The following LHX9 variants were observed in gnomAD, a reference collection of about 807,000 sequenced individuals.
The protein encoded by LHX9 is LIM/homeobox protein Lhx9.
Under a neutral mutation model 36.5 loss-of-function variants are expected in LHX9, and 9 were observed. That is an observed-to-expected ratio of 0.25 (90% CI 0.15 to 0.43). The LOEUF (loss-of-function observed/expected upper bound fraction) is 0.43, where lower values mean the gene tolerates loss of function less well. Ranked by LOEUF, LHX9 falls within the 20% of genes least tolerant of loss-of-function variation. LHX9 has a pLI of 1.00. For synonymous variants in LHX9, 211 were observed against 212.1 expected (o/e 0.99, Z 0.04); for missense variants, 464 against 526.4 (o/e 0.88, Z 1.16).
At position 197,917,940 on chromosome 1, in the gene LHX9, C is replaced by T. The variant is rs1659827777; in HGVS notation, c.117C>T (p.Arg39=). ...HIQGIMEEME[R]RSKTEARLAK... ...AAGGCATCATGGAGGAGATGGAGCG[C>T]AGATCCAAGACTGAGGCCCGTCTGG... The change falls in exon 1 of 5, where the codon CGC becomes CGT. Residue 39 remains arginine, a synonymous_variant. Transcript: ENST00000367387. The T allele has an allele frequency of 6.2e-7, 1 of 1,614,082 alleles. No homozygotes were observed. The highest frequency in any genetic ancestry group is 1.7e-5 in the Admixed American group (1 of 60,002).
rs1404843740 is a variant in LHX9, at chr1:197,921,300, C to A, written c.378-4C>A. On this transcript the variant is annotated splice_polypyrimidine_tract_variant and splice_region_variant and intron_variant, in intron 2 of 4. Coordinates refer to ENST00000367387, the MANE Select transcript of LHX9 (RefSeq NM_020204.3). The surrounding 1 kb of genome is among the most constrained non-coding windows in gnomAD (Gnocchi z 4.6). The stretch of plus-strand genomic sequence containing the variant: ...AGCGCCCTGACTCAACTCTTTCCTT[C>A]CAGAAGGTTCTCTGTGCAGAGATGT... 1 of 1,607,228 alleles carries A rather than the reference C, an allele frequency of 6.2e-7. No individual in the cohort carries two copies. Among genetic ancestry groups the A allele is most frequent in the Non-Finnish European group, 8.5e-7 (1 of 1,175,756 alleles).
upstream of LHX9, chr1:197,916,704 C>T (rs1280881209): frequency 1.4e-6 from 1 of 702,816 alleles, no homozygotes; most frequent in Non-Finnish European, 2.6e-6. Flanking sequence ...ACGCCCTCTC[C>T]ACTTCGGATG....
At position 197,917,774 on chromosome 1, in the gene LHX9, G is replaced by T; in HGVS notation, c.-50G>T. On this transcript the variant is annotated 5_prime_UTR_variant, in exon 1 of 5. Coordinates refer to ENST00000367387, the MANE Select transcript of LHX9 (RefSeq NM_020204.3). Reference sequence around the variant, plus strand: ...CGCTCCTACAGGGCAGCCCTCTCTGGTCCCTTGCCTCCTTCACTCGGATGA... The same window carrying T: ...CGCTCCTACAGGGCAGCCCTCTCTGTTCCCTTGCCTCCTTCACTCGGATGA... The T allele has an allele frequency of 1.9e-6, 3 of 1,613,676 alleles. No individual in the cohort carries two copies. Among genetic ancestry groups the T allele is most frequent in the Non-Finnish European group, 2.5e-6 (3 of 1,179,854 alleles).
At chr1:197,926,763 T>C (rs1444871863) in intron 3 of LHX9, among the ~76,000 whole-genome samples, 1 of 152,166 alleles carries the variant, frequency 6.6e-6, no homozygotes, top group Non-Finnish European at 1.5e-5. Context: ...CTCTCAACTG[T>C]GAGCTGTGGG....
At chr1:197,918,400 C>A (rs961993807) in intron 1 of LHX9, 1 of 716,986 alleles carries the variant, frequency 1.4e-6, no homozygotes, top group East Asian at 2.7e-5. Flanking sequence ...GGCGTCCGAG[C>A]CAAGCAGGAG....
At position 197,919,972 on chromosome 1, in the gene LHX9, G is replaced by A. The variant is rs759627055; in HGVS notation, c.175G>A (p.Gly59Ser). The change falls in exon 2 of 5, where the codon GGC (glycine) becomes AGC (serine). Residue 59 changes from glycine to serine, a missense_variant and splice_region_variant. Physicochemically the swap from Gly to Ser is moderately conservative, Grantham distance 56. Coordinates refer to ENST00000367387, the MANE Select transcript of LHX9 (RefSeq NM_020204.3). Reference sequence around the variant, plus strand: ...GCCTTGCGGTGTGCTTTCTTTGCAGGGCATGCCCCCGCTCAGCCCGGAGAA... The same window carrying A: ...GCCTTGCGGTGTGCTTTCTTTGCAGAGCATGCCCCCGCTCAGCCCGGAGAA... ...KGAQLNGRDA[G>S]MPPLSPEKPA... The A allele has an allele frequency of 1.2e-6, 2 of 1,613,926 alleles. No individual in the cohort carries two copies. The highest frequency in any genetic ancestry group is 1.7e-6 in the Non-Finnish European group (2 of 1,180,004).
In LHX9 at chr1:197,927,698, A is replaced by G. The variant is rs1158994834; in HGVS notation, c.841A>G (p.Thr281Ala). 5 of 1,614,194 alleles carry G rather than the reference A, an allele frequency of 3.1e-6. No individual in the cohort carries two copies. The Admixed American group carries it at 8.3e-5, about 27-fold the overall frequency. ...CTCTTTCAAGCATCACCAGCTCCGGACCATGAAATCCTACTTTGCCATCAA... is the reference window on the plus strand; with the variant it reads ...CTCTTTCAAGCATCACCAGCTCCGGGCCATGAAATCCTACTTTGCCATCAA... ...RTSFKHHQLR[T>A]MKSYFAINHN... Residue 281 changes from threonine (T) to alanine (A), a missense_variant, in exon 4 of 5, where the codon ACC becomes GCC. Thr to Ala is a moderately conservative substitution (Grantham distance 58). This residue lies in a region of LHX9 where 20 missense variants were observed against 67.0 expected (regional missense o/e 0.30). Coordinates refer to ENST00000367387, the MANE Select transcript of LHX9 (RefSeq NM_020204.3).
chr1:197,925,178 C>G (rs1660105657), intron 3 of LHX9, among the ~76,000 whole-genome samples: 1 of 151,872 alleles, frequency 6.6e-6, no homozygotes, highest in Non-Finnish European at 1.5e-5. Context: ...GGGCCTATAA[C>G]TGTATTTTAC....
chr1:197,917,777 C>G lies in LHX9; in HGVS notation c.-47C>G. The G allele has an allele frequency of 2.5e-6, 4 of 1,613,924 alleles. No individual in the cohort carries two copies. The highest frequency in any genetic ancestry group is 1.1e-5 in the South Asian group (1 of 91,042). On this transcript the variant is annotated 5_prime_UTR_variant, in exon 1 of 5. Coordinates refer to ENST00000367387, the MANE Select transcript of LHX9 (RefSeq NM_020204.3). ...TCCTACAGGGCAGCCCTCTCTGGTCCCTTGCCTCCTTCACTCGGATGAGCT... is the reference window on the plus strand; with the variant it reads ...TCCTACAGGGCAGCCCTCTCTGGTCGCTTGCCTCCTTCACTCGGATGAGCT...
upstream of LHX9, among the ~76,000 whole-genome samples, chr1:197,913,844 G>T (rs1239159188): frequency 6.6e-6 from 1 of 152,190 alleles, no homozygotes; most frequent in African/African-American, 2.4e-5. Context: ...CCAAAATTCA[G>T]GTAGAGAGAG....
Position 197,921,178 on chromosome 1 carries a change from T to C in LHX9, c.378-126T>C. The C allele has an allele frequency of 1.5e-6, 1 of 654,486 alleles. No individual in the cohort carries two copies. Among genetic ancestry groups the C allele is most frequent in the South Asian group, 2.0e-5 (1 of 49,802 alleles). The allele number at this position is 654,486 out of a possible 1,614,324, so 40.5% of individuals were successfully genotyped here. On this transcript the variant is annotated intron_variant, in intron 2 of 4. Transcript: ENST00000367387. This position sits in a 1 kb window ranked among gnomAD's most constrained non-coding sequence, Gnocchi z 4.6. ...GAGCAAATAAAATTAATGCCTACTCTCCTGTCCCCCTGGAACCCTCCCAGG... is the reference window on the plus strand; with the variant it reads ...GAGCAAATAAAATTAATGCCTACTCCCCTGTCCCCCTGGAACCCTCCCAGG...
intron 1 of LHX9, 93 bp downstream of exon 1, chr1:197,918,090 C>T (rs916418116): frequency 2.8e-6 from 4 of 1,428,720 alleles, no homozygotes; most frequent in Middle Eastern, 2.3e-4. Context: ...ACCGGAGCGG[C>T]GGGTCGTAGA....
Position 197,927,598 on chromosome 1 carries a change from T to G in LHX9, c.741T>G (p.Asn247Lys), listed in dbSNP as rs12046958. ...VDIVNYNSGC[N>K]ENEADHLDRD... ...TCACTGTTACTGCAACAGGTTGTAA[T>G]GAGAATGAGGCAGACCACTTGGACC... Residue 247 changes from asparagine to lysine, a missense_variant, in exon 4 of 5, where the codon AAT becomes AAG. Physicochemically the swap from Asn to Lys is moderately conservative, Grantham distance 94. This residue lies in a region of LHX9 where 130 missense variants were observed against 109.6 expected (regional missense o/e 1.19). Coordinates refer to ENST00000367387, the MANE Select transcript of LHX9 (RefSeq NM_020204.3). The G allele has an allele frequency of 3.1e-6, 5 of 1,613,914 alleles. No individual in the cohort carries two copies. The highest frequency in any genetic ancestry group is 2.5e-6 in the Non-Finnish European group (3 of 1,179,900).
upstream of LHX9, among the ~76,000 whole-genome samples, chr1:197,917,030 C>T (rs904592453): frequency 9.2e-5 from 14 of 151,932 alleles, no homozygotes; most frequent in African/African-American, 3.4e-4. Flanking sequence ...TGCAACAGGG[C>T]GGGGACAACA....
Position 197,930,074 on chromosome 1 carries a change from CT to C in LHX9, c.*822del, listed in dbSNP as rs966561339. 6 of 975,532 alleles carry C rather than the reference CT, an allele frequency of 6.2e-6. No homozygotes were observed. Among genetic ancestry groups the C allele is most frequent in the South Asian group, 4.7e-5 (1 of 21,068 alleles). The allele number at this position is 975,532 out of a possible 1,614,324, so 60.4% of individuals were successfully genotyped here. A position where few individuals can be genotyped will look rare whatever the true frequency, so the allele number is the denominator to read the frequency against. On this transcript the variant is annotated 3_prime_UTR_variant, in exon 5 of 5. Transcript: ENST00000367387. ...GCTCGGAAACCATTCTTTCTAGTTACTTTTTTTCCCAGGGAAAATGGAAATA... is the reference window on the plus strand; with the variant it reads ...GCTCGGAAACCATTCTTTCTAGTTACTTTTTTCCCAGGGAAAATGGAAATA...
chr1:197,930,297 A>G lies in LHX9; in HGVS notation c.*1038A>G, dbSNP rs1660291514. 1 of 156,576 alleles carries G rather than the reference A, an allele frequency of 6.4e-6. No homozygotes were observed. The highest frequency in any genetic ancestry group is 1.4e-5 in the Non-Finnish European group (1 of 72,014). 9.7% of individuals were successfully genotyped at this position (156,576 alleles called of 1,614,324 possible). On this transcript the variant is annotated 3_prime_UTR_variant, in exon 5 of 5. Transcript: ENST00000367387. ...TATTTTGACATAGGTTGACTTATGT[A>G]TTGAAAATAATTTTTCTGATATTAG...
At chr1:197,923,201 G>A (rs1557974467) in intron 3 of LHX9, among the ~76,000 whole-genome samples, 1 of 152,216 alleles carries the variant, frequency 6.6e-6, no homozygotes, top group Non-Finnish European at 1.5e-5. Context: ...AGGGCTGCTG[G>A]ACGAAAAGAA....
chr1:197,918,209 G>A, intron 1 of LHX9: 1 of 707,604 alleles, frequency 1.4e-6, no homozygotes, highest in East Asian at 2.7e-5. Flanking sequence ...GCTATCCTCC[G>A]TCGCAGCTGA....
rs1660006293 is a variant in LHX9, at chr1:197,921,996, C to A, written c.733+337C>A. 6.6e-6 allele frequency among the ~76,000 whole-genome samples: 1 copy of A among 151,652 alleles called. No homozygotes were observed. The highest frequency in any genetic ancestry group is 2.4e-5 in the African/African-American group (1 of 41,292). ...CAGTTGGAGCAAAACAGCCCCAGGG[C>A]AATTTCTTTGTGGAGGCCAAATTAT... On this transcript the variant is annotated intron_variant, in intron 3 of 4. Transcript: ENST00000367387. This position sits in a 1 kb window ranked among gnomAD's most constrained non-coding sequence, Gnocchi z 4.6.
Sources: gnomAD v4.1 joint callset for allele counts (sites outside exome capture counted in the v4.1 genomes callset) on GRCh38, gnomAD v4.1.1 for gene constraint, gnomAD v4.1.1 regional missense constraint, Gnocchi (gnomAD v3.1) non-coding constraint, MANE v1.5 for transcripts, NCBI Gene and HGNC (gene_info 2026-07-23, HGNC 2026-07-21) for gene names.